LINGO2: variants seen among roughly 807,000 people sequenced by gnomAD.
LINGO2 encodes the protein leucine-rich repeat and immunoglobulin-like domain-containing nogo receptor-interacting protein 2.
A neutral mutation model predicts 30.6 loss-of-function variants in LINGO2; 14 were observed. The observed-to-expected ratio is 0.46, with a 90% CI of 0.30 to 0.72. The LOEUF (loss-of-function observed/expected upper bound fraction) is 0.72. Among genes scored for constraint, LINGO2 ranks in the 30% least tolerant of loss-of-function variants. The pLI is 0.07. For synonymous variants in LINGO2, 317 were observed against 288.5 expected (o/e 1.10, Z -1.00); for missense variants, 729 against 751.7 (o/e 0.97, Z 0.35).
At position 28,148,153 on chromosome 9, in the gene LINGO2, C is replaced by A; in HGVS notation, c.-86-135748G>T. 1.1e-6 allele frequency: 1 copy of A among 918,800 alleles called. No homozygotes were observed. Among genetic ancestry groups the A allele is most frequent in the Non-Finnish European group, 1.5e-6 (1 of 679,412 alleles). The allele number at this position is 918,800 out of a possible 1,614,324, so 56.9% of individuals were successfully genotyped here. Reference sequence around the variant, plus strand: ...GAATCGTGGGCCGTTTCCCACTCCTCTTCAACCCTCAGCGACATCTTGGGC... The same window carrying A: ...GAATCGTGGGCCGTTTCCCACTCCTATTCAACCCTCAGCGACATCTTGGGC... On this transcript the variant is annotated intron_variant, in intron 4 of 5. Coordinates refer to ENST00000379992, the Ensembl canonical transcript of LINGO2. This position sits in a 1 kb window ranked among gnomAD's most constrained non-coding sequence, Gnocchi z 5.1.
chr9:28,467,262 C>T (rs1000640434), intron 2 of LINGO2, among the ~76,000 whole-genome samples: 3 of 152,148 alleles, frequency 2.0e-5, no homozygotes, highest in East Asian at 3.9e-4. Flanking sequence ...CCTGACCTCT[C>T]GTAGTCTGCC....
the LINGO2 span, among the ~76,000 whole-genome samples, chr9:29,021,822 T>C: frequency 2.6e-5 from 4 of 152,202 alleles, no homozygotes; most frequent in African/African-American, 9.6e-5. Flanking sequence ...CCTTCTTTTT[T>C]AATATTATAT....
chr9:28,106,542 G>A (rs139344081), intron 4 of LINGO2, among the ~76,000 whole-genome samples: 14 of 152,194 alleles, frequency 9.2e-5, no homozygotes, highest in African/African-American at 1.4e-4. Context: ...TTGAGGCTAC[G>A]TGGCTTTAGA....
the LINGO2 span, among the ~76,000 whole-genome samples, chr9:28,776,677 T>C: frequency 5.9e-5 from 9 of 152,154 alleles, no homozygotes; most frequent in African/African-American, 1.9e-4. Flanking sequence ...GAAAATACAA[T>C]GATGAACTAA....
At chr9:29,012,086 G>A in the LINGO2 span, among the ~76,000 whole-genome samples, 5 of 152,172 alleles carry the variant, frequency 3.3e-5, no homozygotes, top group African/African-American at 9.6e-5. Context: ...GGCTGGGCAC[G>A]GTGGCTCACG....
chr9:28,677,936 G>A, the LINGO2 span, among the ~76,000 whole-genome samples: 165 of 151,590 alleles, frequency 1.1e-3, no homozygotes, highest in African/African-American at 3.4e-3. Flanking sequence ...GAAGCATCCC[G>A]AATCCATCTA....
At chr9:28,430,504 C>A (rs543153973) in intron 2 of LINGO2, among the ~76,000 whole-genome samples, 1 of 152,170 alleles carries the variant, frequency 6.6e-6, no homozygotes, top group Non-Finnish European at 1.5e-5. Context: ...TCTTTCATTC[C>A]AATATCATCC....
At chr9:28,502,968 G>A (rs941859951) in intron 1 of LINGO2, among the ~76,000 whole-genome samples, 9 of 152,042 alleles carry the variant, frequency 5.9e-5, no homozygotes, top group Admixed American at 1.3e-4. Context: ...ACAATCAATA[G>A]CCATGGCTCA....
the LINGO2 span, among the ~76,000 whole-genome samples, chr9:28,809,647 G>A: frequency 6.6e-5 from 10 of 151,412 alleles, no homozygotes; most frequent in East Asian, 2.0e-4. Context: ...TCGGGAAGCT[G>A]AGGCAGGAGA....
At chr9:28,597,984 C>T (rs375318555) in intron 1 of LINGO2, among the ~76,000 whole-genome samples, 9 of 152,054 alleles carry the variant, frequency 5.9e-5, no homozygotes, top group Non-Finnish European at 1.3e-4. Flanking sequence ...AGGCTGGTCT[C>T]GAACTCCAGG....
intron 2 of LINGO2, among the ~76,000 whole-genome samples, chr9:28,419,452 A>G: frequency 6.6e-6 from 1 of 152,096 alleles, no homozygotes; most frequent in South Asian, 2.1e-4. Context: ...TTATTTGCTT[A>G]ATGTAAGCTG....
the LINGO2 span, among the ~76,000 whole-genome samples, chr9:28,763,885 C>A: frequency 1.3e-5 from 2 of 151,692 alleles, no homozygotes; most frequent in African/African-American, 4.8e-5. Context: ...CATAAGAGAT[C>A]TCTCATAATT....
At chr9:28,755,018 A>C in the LINGO2 span, among the ~76,000 whole-genome samples, 1 of 152,086 alleles carries the variant, frequency 6.6e-6, no homozygotes, top group African/African-American at 2.4e-5. Context: ...AATTACATTA[A>C]TAATTAATGG....
At chr9:29,071,063 CATATT>C in the LINGO2 span, among the ~76,000 whole-genome samples, 6 of 150,448 alleles carry the variant, frequency 4.0e-5, no homozygotes, top group East Asian at 1.9e-4. Flanking sequence ...CAGACCCATA[CATATT>C]ATATCTAAAT....
chr9:28,655,319 G>T (rs766475566), intron 1 of LINGO2, among the ~76,000 whole-genome samples: 1 of 151,992 alleles, frequency 6.6e-6, no homozygotes, highest in Non-Finnish European at 1.5e-5. Context: ...TGGAATAGGT[G>T]TCTTTACCCA....
chr9:28,923,031 CGA>C, the LINGO2 span, among the ~76,000 whole-genome samples: 69 of 152,162 alleles, frequency 4.5e-4, 1 homozygote, highest in African/African-American at 1.6e-3. Flanking sequence ...CTTTGAAAAG[CGA>C]GAGAGTCAGC....
At chr9:29,059,922 CCACAG>C in the LINGO2 span, among the ~76,000 whole-genome samples, 1 of 151,962 alleles carries the variant, frequency 6.6e-6, no homozygotes. Context: ...AAAAGATGTG[CCACAG>C]CTGAATGGCA....
chr9:28,383,444 C>T (rs1368539974), intron 2 of LINGO2, among the ~76,000 whole-genome samples: 2 of 151,874 alleles, frequency 1.3e-5, no homozygotes, highest in Non-Finnish European at 2.9e-5. Flanking sequence ...GGAAGGTTTC[C>T]AAAAAGGCCA....
the LINGO2 span, among the ~76,000 whole-genome samples, chr9:28,934,148 T>A: frequency 6.6e-6 from 1 of 152,292 alleles, no homozygotes; most frequent in Admixed American, 6.5e-5. Context: ...ATAGCTGAAC[T>A]TGAGTATTGA....
Sources: gnomAD v4.1 joint callset for allele counts (sites outside exome capture counted in the v4.1 genomes callset) on GRCh38, gnomAD v4.1.1 for gene constraint, Gnocchi (gnomAD v3.1) non-coding constraint, MANE v1.5 for transcripts, NCBI Gene and HGNC (gene_info 2026-07-23, HGNC 2026-07-21) for gene names.